Variants in ROBO1 observed in about 807,000 individuals in gnomAD.
The protein encoded by ROBO1 is roundabout homolog 1.
A neutral mutation model predicts 195.9 loss-of-function variants in ROBO1; 149 were observed. The ratio of observed to expected loss-of-function variants is 0.76; its 90% confidence interval spans 0.67 to 0.87. The LOEUF (loss-of-function observed/expected upper bound fraction) is 0.87, where lower values mean the gene tolerates loss of function less well. Ranked by LOEUF, ROBO1 falls within the 40% of genes least tolerant of loss-of-function variation. The pLI, the probability that ROBO1 is intolerant of heterozygous loss-of-function variation, is 0.00. For synonymous variants in ROBO1, 816 were observed against 733.2 expected (o/e 1.11, Z -1.82); for missense variants, 1,933 against 2,068.3 (o/e 0.93, Z 1.27).
intron 2 of ROBO1, among the ~76,000 whole-genome samples, chr3:79,299,584 ATAT>A (rs2032782535): frequency 6.6e-6 from 1 of 152,196 alleles, no homozygotes; most frequent in East Asian, 1.9e-4. Flanking sequence ...GAAAATAAAG[ATAT>A]TATATAAAGT....
chr3:79,659,682 T>C (rs1946273687), intron 1 of ROBO1, among the ~76,000 whole-genome samples: 1 of 151,948 alleles, frequency 6.6e-6, no homozygotes, highest in Non-Finnish European at 1.5e-5. Context: ...TGTTCGGTAA[T>C]TGGATAGAGA....
intron 10 of ROBO1, among the ~76,000 whole-genome samples, 173 bp downstream of exon 10, chr3:78,685,573 C>T (rs2081032994): frequency 6.6e-6 from 1 of 152,146 alleles, no homozygotes; most frequent in African/African-American, 2.4e-5. Context: ...ATTTATAATA[C>T]ATTTAGGTTA....
At chr3:79,493,377 A>G (rs921506230) in intron 2 of ROBO1, among the ~76,000 whole-genome samples, 2 of 152,090 alleles carry the variant, frequency 1.3e-5, no homozygotes, top group African/African-American at 4.8e-5. Context: ...TAACAGAAAA[A>G]CTGATAGGTA....
At chr3:79,017,324 C>T (rs2077969161) in intron 3 of ROBO1, among the ~76,000 whole-genome samples, 2 of 151,948 alleles carry the variant, frequency 1.3e-5, no homozygotes, top group South Asian at 4.2e-4. Flanking sequence ...TAACCATAGA[C>T]CACAAAAGCT....
chr3:78,670,820 A>C (rs1352167689), intron 10 of ROBO1, among the ~76,000 whole-genome samples: 1 of 152,212 alleles, frequency 6.6e-6, no homozygotes, highest in Non-Finnish European at 1.5e-5. Context: ...GGATTTCGTA[A>C]TTTAATAAAT....
At chr3:79,541,496 C>T (rs1025092915) in intron 2 of ROBO1, among the ~76,000 whole-genome samples, 4 of 151,964 alleles carry the variant, frequency 2.6e-5, no homozygotes, top group African/African-American at 9.7e-5. Flanking sequence ...AAGAGAGAGA[C>T]AGTATTTCTT....
chr3:78,643,377 G>T (rs114787040), intron 21 of ROBO1, among the ~76,000 whole-genome samples: 2 of 152,126 alleles, frequency 1.3e-5, no homozygotes, highest in African/African-American at 4.8e-5. Context: ...AAAGATAACC[G>T]CATCACCTTA....
At chr3:79,090,688 G>A (rs1002904450) in intron 3 of ROBO1, among the ~76,000 whole-genome samples, 7 of 151,926 alleles carry the variant, frequency 4.6e-5, no homozygotes, top group Middle Eastern at 3.4e-3. Flanking sequence ...TTTTCTTATC[G>A]GTAAAATGAG....
intron 2 of ROBO1, among the ~76,000 whole-genome samples, chr3:79,352,629 T>C (rs2035388381): frequency 6.6e-6 from 1 of 152,176 alleles, no homozygotes; most frequent in African/African-American, 2.4e-5. Flanking sequence ...GGAACTCCCT[T>C]GTGCCTTCCC....
chr3:79,399,985 C>T (rs1378085674), intron 2 of ROBO1, among the ~76,000 whole-genome samples: 1 of 152,092 alleles, frequency 6.6e-6, no homozygotes, highest in African/African-American at 2.4e-5. Context: ...ACTCACAGTG[C>T]TTAGGTTTAT....
At chr3:78,683,184 G>A (rs2080971333) in intron 10 of ROBO1, among the ~76,000 whole-genome samples, 1 of 151,810 alleles carries the variant, frequency 6.6e-6, no homozygotes, top group Non-Finnish European at 1.5e-5. Context: ...AGGTATAAAT[G>A]TACCAAAATA....
intron 10 of ROBO1, among the ~76,000 whole-genome samples, chr3:78,677,158 GA>G (rs1559733473): frequency 6.6e-6 from 1 of 152,150 alleles, no homozygotes; most frequent in Admixed American, 6.5e-5. Context: ...TGCCCTAAAA[GA>G]GCTCCTGAAG....
chr3:79,379,857 A>AG (rs2036512202), intron 2 of ROBO1, among the ~76,000 whole-genome samples: 1 of 152,234 alleles, frequency 6.6e-6, no homozygotes, highest in African/African-American at 2.4e-5. Context: ...CACTGAGACC[A>AG]GAGCACCAGG....
At chr3:79,086,664 T>G (rs1283247986) in intron 3 of ROBO1, among the ~76,000 whole-genome samples, 1 of 152,174 alleles carries the variant, frequency 6.6e-6, no homozygotes, top group Non-Finnish European at 1.5e-5. Flanking sequence ...TTTTCCCGCA[T>G]GTCAGTGAAA....
chr3:79,737,090 C>G (rs1703423133), intron 1 of ROBO1, among the ~76,000 whole-genome samples: 1 of 151,984 alleles, frequency 6.6e-6, no homozygotes, highest in African/African-American at 2.4e-5. Flanking sequence ...ATTCAGTGAC[C>G]AAGATAACAC....
intron 26 of ROBO1, among the ~76,000 whole-genome samples, chr3:78,621,997 A>G (rs763949015): frequency 2.6e-5 from 4 of 152,206 alleles, no homozygotes; most frequent in Non-Finnish European, 4.4e-5. Flanking sequence ...GTAAATGTTC[A>G]TGTATTCCAT....
chr3:79,640,710 T>C (rs1269656126), intron 1 of ROBO1, among the ~76,000 whole-genome samples: 2 of 152,170 alleles, frequency 1.3e-5, no homozygotes, highest in Non-Finnish European at 2.9e-5. Flanking sequence ...TCATGCTACT[T>C]TCTTTGGTGG....
chr3:79,139,148 A>T (rs1054143749), intron 2 of ROBO1, among the ~76,000 whole-genome samples: 7 of 151,446 alleles, frequency 4.6e-5, no homozygotes, highest in African/African-American at 1.5e-4. Flanking sequence ...ATATATATAT[A>T]TTTTATGCTA....
intron 2 of ROBO1, among the ~76,000 whole-genome samples, chr3:79,141,927 C>T (rs769477279): frequency 5.3e-5 from 8 of 151,686 alleles, no homozygotes; most frequent in Admixed American, 1.3e-4. Context: ...TGTTTTCCTG[C>T]GTATTATTTG....
Sources: allele counts gnomAD v4.1 joint callset (sites outside exome capture counted in the v4.1 genomes callset), GRCh38; gene constraint gnomAD v4.1.1; transcripts MANE v1.5; gene names NCBI Gene and HGNC (gene_info 2026-07-23, HGNC 2026-07-21).